The following STOX2 variants were observed in gnomAD, a reference collection of about 807,000 sequenced individuals.
STOX2 encodes storkhead-box protein 2.
STOX2 carries 28 observed loss-of-function variants against 60.9 expected under a neutral mutation model. The ratio of observed to expected loss-of-function variants is 0.46; its 90% CI spans 0.34 to 0.63. The LOEUF (loss-of-function observed/expected upper bound fraction) is 0.63, where lower values mean the gene tolerates loss of function less well. Among genes scored for constraint, STOX2 ranks in the 30% least tolerant of loss-of-function variants. STOX2 has a pLI of 0.01. For missense variants in STOX2, 1,024 were observed against 1,187.7 expected (o/e 0.86, Z 2.03); for synonymous variants, 472 against 463.9 (o/e 1.02, Z -0.22).
intron 1 of STOX2, among the ~76,000 whole-genome samples, chr4:183,872,922 A>G (rs982599266): frequency 6.6e-6 from 1 of 152,234 alleles, no homozygotes; most frequent in African/African-American, 2.4e-5. Flanking sequence ...TTGAAAAACC[A>G]TGAAGGCCAT....
rs372087107 is a variant in STOX2 at position 183,951,059 on chromosome 4, CA to C, written c.166+44110del. 1.6e-3 allele frequency among the ~76,000 whole-genome samples: 236 copies of C among 151,422 alleles called. 1 individual carries two copies. The highest frequency in any genetic ancestry group is 4.1e-3 in the African/African-American group (168 of 41,292). ...TGAAACCCCGTCTCTACTAAAAATA[CA>C]AAAAAATTAGCCGGGCGTGGTGGCG... is the stretch of plus-strand genomic sequence containing the variant. On this transcript the variant is annotated intron_variant, in intron 1 of 3. Coordinates refer to ENST00000308497, the MANE Select transcript of STOX2 (RefSeq NM_020225.3).
At chr4:183,855,819 G>A (rs200899607) in intron 1 of STOX2, among the ~76,000 whole-genome samples, 5 of 152,198 alleles carry the variant, frequency 3.3e-5, no homozygotes, top group African/African-American at 4.8e-5. Context: ...GTCTGGAAGC[G>A]TGCAAATGTG....
chr4:183,950,966 A>C (rs1245735263), intron 1 of STOX2, among the ~76,000 whole-genome samples: 2 of 152,162 alleles, frequency 1.3e-5, no homozygotes, highest in Non-Finnish European at 2.9e-5. Flanking sequence ...CTGTAATCCC[A>C]GCACTTTGGG....
At chr4:183,882,232 T>C (rs768465095) in intron 1 of STOX2, among the ~76,000 whole-genome samples, 1 of 152,188 alleles carries the variant, frequency 6.6e-6, no homozygotes, top group Non-Finnish European at 1.5e-5. Flanking sequence ...TAAAATGCCA[T>C]TCCCTTGATC....
At chr4:183,988,998 C>G (rs566135718) in intron 1 of STOX2, among the ~76,000 whole-genome samples, 7 of 152,154 alleles carry the variant, frequency 4.6e-5, no homozygotes, top group African/African-American at 1.7e-4. Flanking sequence ...CACACACGAC[C>G]TCACCAGCCC....
intron 1 of STOX2, among the ~76,000 whole-genome samples, chr4:183,843,182 GAAA>G (rs1453938664): frequency 6.6e-6 from 1 of 150,664 alleles, no homozygotes; most frequent in African/African-American, 2.4e-5. Flanking sequence ...AAAAGAAAAA[GAAA>G]AATGTTTTTA....
chr4:183,812,119 G>A (rs1739048813), intron 1 of STOX2, among the ~76,000 whole-genome samples: 1 of 152,056 alleles, frequency 6.6e-6, no homozygotes, highest in African/African-American at 2.4e-5. Context: ...TTTTTGTAGA[G>A]ATGGGTCTCA....
At position 184,004,115 on chromosome 4, in the gene STOX2, G is replaced by A. The variant is rs372838697; in HGVS notation, c.319+2638G>A. Among the ~76,000 whole-genome samples the A allele has an allele frequency of 5.9e-5, 9 of 152,170 alleles. No homozygotes were observed. In the South Asian group the frequency reaches 1.2e-3, roughly 21 times the overall value. On this transcript the variant is annotated intron_variant, in intron 2 of 3. Transcript: ENST00000308497. ...TTATATTTTTTGTTTTTAAAGGTAA[G>A]AATAAAGTATTTAGTTCTTTTATAT...
chr4:184,011,029 C>A lies in STOX2; in HGVS notation c.2191C>A (p.Pro731Thr), dbSNP rs1734141899. ...LSLLKSHPKT[P>T]ADTLPGRCEK... ...CCTCCTCAAATCTCACCCGAAGACACCTGCTGACACATTGCCAGGCCGATG... is the reference window on the plus strand; with the variant it reads ...CCTCCTCAAATCTCACCCGAAGACAACTGCTGACACATTGCCAGGCCGATG... Residue 731 changes from proline to threonine, a missense_variant, in exon 3 of 4, where the codon CCT becomes ACT. This residue lies in a region of STOX2 where 922 missense variants were observed against 1,058.3 expected (regional missense o/e 0.87). Transcript: ENST00000308497. The surrounding 1 kb of genome is among the most constrained non-coding windows in gnomAD (Gnocchi z 4.4). 2 of 1,613,166 alleles carry A rather than the reference C, an allele frequency of 1.2e-6. No individual in the cohort carries two copies. Among genetic ancestry groups the A allele is most frequent in the Non-Finnish European group, 1.7e-6 (2 of 1,179,476 alleles).
At chr4:183,983,210 A>T (rs543107833) in intron 1 of STOX2, among the ~76,000 whole-genome samples, 1 of 152,206 alleles carries the variant, frequency 6.6e-6, no homozygotes, top group East Asian at 1.9e-4. Context: ...TGGCTGCCTC[A>T]GTGCCTCTTC....
intron 1 of STOX2, among the ~76,000 whole-genome samples, chr4:183,974,084 G>A (rs1203972279): frequency 6.6e-6 from 1 of 152,158 alleles, no homozygotes; most frequent in African/African-American, 2.4e-5. Context: ...AGAATTGTAA[G>A]ATAAAGAGAA....
At chr4:183,970,167 TGTGTGTGTGTGTGTGG>T (rs1408941488) in intron 1 of STOX2, among the ~76,000 whole-genome samples, 31 of 150,342 alleles carry the variant, frequency 2.1e-4, no homozygotes, top group African/African-American at 7.7e-4. Context: ...TGTGTGTGTG[TGTGTGTGTGTGTGTGG>T]GGTTCCAGCT....
intron 1 of STOX2, among the ~76,000 whole-genome samples, chr4:183,994,581 A>G (rs1733252237): frequency 6.6e-6 from 1 of 152,220 alleles, no homozygotes; most frequent in Non-Finnish European, 1.5e-5. Flanking sequence ...ATTCTGCTGC[A>G]TTCATATAGG....
rs1739299620 is a variant in STOX2, at chr4:183,821,350, G to T, written c.364+23295G>T. 6.6e-6 allele frequency among the ~76,000 whole-genome samples: 1 copy of T among 152,204 alleles called. No individual in the cohort carries two copies. The highest frequency in any genetic ancestry group is 6.5e-5 in the Admixed American group (1 of 15,284). ...TCCCTGTCTTAATAGGTGGAAGCCTGTGCTAGCAGGTAGAGGATCTTTTAT... is the reference window on the plus strand; with the variant it reads ...TCCCTGTCTTAATAGGTGGAAGCCTTTGCTAGCAGGTAGAGGATCTTTTAT... On this transcript the variant is annotated intron_variant, in intron 1 of 2. Transcript: ENST00000513034. This position sits in a 1 kb window ranked among gnomAD's most constrained non-coding sequence, Gnocchi z 4.2.
intron 1 of STOX2, among the ~76,000 whole-genome samples, chr4:183,798,469 G>T (rs988075764): frequency 6.6e-6 from 1 of 151,894 alleles, no homozygotes; most frequent in African/African-American, 2.4e-5. Flanking sequence ...TCCGGGGCTC[G>T]GGTCGCGCGG....
At chr4:183,866,775 A>G (rs981213293) in intron 1 of STOX2, among the ~76,000 whole-genome samples, 11 of 152,268 alleles carry the variant, frequency 7.2e-5, no homozygotes, top group Middle Eastern at 3.4e-3. Flanking sequence ...GCACGTTGGG[A>G]GGCCAAGACG....
At chr4:183,933,995 TTCTA>T (rs1450706761) in intron 1 of STOX2, among the ~76,000 whole-genome samples, 2 of 152,182 alleles carry the variant, frequency 1.3e-5, no homozygotes, top group African/African-American at 4.8e-5. Flanking sequence ...TCAGACTTGA[TTCTA>T]TCTATTTAAA....
chr4:183,857,863 G>T (rs1203994575), intron 1 of STOX2, among the ~76,000 whole-genome samples: 1 of 152,072 alleles, frequency 6.6e-6, no homozygotes, highest in Non-Finnish European at 1.5e-5. Flanking sequence ...TTTCAGTCCT[G>T]CCCATCCCCC....
intron 1 of STOX2, among the ~76,000 whole-genome samples, chr4:183,981,074 G>A (rs561237422): frequency 5.3e-5 from 8 of 152,284 alleles, no homozygotes; most frequent in South Asian, 4.1e-4. Flanking sequence ...TTTTTAGGGC[G>A]TATTTTTAGA....
Sources: gnomAD v4.1 joint callset for allele counts (sites outside exome capture counted in the v4.1 genomes callset) on GRCh38, gnomAD v4.1.1 for gene constraint, gnomAD v4.1.1 regional missense constraint, Gnocchi (gnomAD v3.1) non-coding constraint, MANE v1.5 for transcripts, NCBI Gene and HGNC (gene_info 2026-07-23, HGNC 2026-07-21) for gene names.